AGT: variants seen among roughly 807,000 people sequenced by gnomAD.
AGT encodes the protein angiotensinogen, also known as alpha-1 antiproteinase, antitrypsin.
A neutral mutation model predicts 28.1 loss-of-function variants in AGT; 26 were observed. The observed-to-expected ratio is 0.92, with a 90% confidence interval of 0.68 to 1.28. The LOEUF is 1.28. AGT is among the 50% of genes most tolerant of loss of function. AGT has a pLI of 0.00. For synonymous variants in AGT, 259 were observed against 259.6 expected (o/e 1.00, Z 0.02); for missense variants, 596 against 592.3 (o/e 1.01, Z -0.06).
intron 1 of AGT, 67 bp from the exon 2 acceptor site, chr1:230,710,920 A>G: frequency 1.9e-6 from 3 of 1,555,288 alleles, no homozygotes; most frequent in Non-Finnish European, 8.8e-7. Context: ...ATCTAACCAG[A>G]TCTTTCATTG....
chr1:230,736,899 G>A (rs1056877853), intron 1 of AGT, among the ~76,000 whole-genome samples: 1 of 152,162 alleles, frequency 6.6e-6, no homozygotes, highest in East Asian at 1.9e-4. Context: ...GTTCTTGAGT[G>A]GAGGCTGGAA....
upstream of AGT, among the ~76,000 whole-genome samples, chr1:230,716,968 A>G (rs190599764): frequency 3.0e-3 from 449 of 151,650 alleles, 3 homozygotes; most frequent in South Asian, 0.022. Context: ...AAGACATAAG[A>G]GACTCCATTT....
In AGT at chr1:230,709,989, C is replaced by T. The variant is rs900170512; in HGVS notation, c.829+6G>A. ...GGGCCAGAGCCAGCAGAGAGGTTTG[C>T]CTTACCTTGGAAGTGGACGTAGGTG... is the stretch of plus-strand genomic sequence containing the variant. On this transcript the variant is annotated splice_donor_region_variant and intron_variant, in intron 2 of 4. Coordinates refer to ENST00000366667, the MANE Select transcript of AGT (RefSeq NM_001384479.1). 3 of 1,614,032 alleles carry T rather than the reference C, an allele frequency of 1.9e-6. No homozygotes were observed. In the African/African-American group the frequency reaches 4.0e-5, roughly 22 times the overall value.
chr1:230,741,859 A>C (rs1338955954), intron 1 of AGT, among the ~76,000 whole-genome samples: 2 of 152,194 alleles, frequency 1.3e-5, no homozygotes, highest in Admixed American at 1.3e-4. Flanking sequence ...CCAAAACATC[A>C]TTGTGGGCTT....
intron 1 of AGT, among the ~76,000 whole-genome samples, chr1:230,744,923 C>T (rs1040565335): frequency 1.3e-5 from 2 of 152,192 alleles, no homozygotes; most frequent in African/African-American, 4.8e-5. Flanking sequence ...AATCATTTCC[C>T]TGCCGAGGTG....
At chr1:230,715,435 G>A (rs894080637), upstream of AGT, among the ~76,000 whole-genome samples, 3 of 152,178 alleles carry the variant, frequency 2.0e-5, no homozygotes, top group Non-Finnish European at 4.4e-5. Flanking sequence ...ACTTTTTGAG[G>A]CCAGGAGATG....
At chr1:230,714,957 C>T (rs911311111), upstream of AGT, among the ~76,000 whole-genome samples, 2 of 152,090 alleles carry the variant, frequency 1.3e-5, no homozygotes, top group Admixed American at 6.6e-5. Flanking sequence ...TCACAAGTGA[C>T]GCAGTGGGTG....
At chr1:230,712,218 A>C (rs1199501203) in intron 1 of AGT, among the ~76,000 whole-genome samples, 1 of 152,074 alleles carries the variant, frequency 6.6e-6, no homozygotes, top group East Asian at 1.9e-4. Flanking sequence ...GGCCACCTTG[A>C]TGCCTAGATT....
chr1:230,710,405 C>G lies in AGT; in HGVS notation c.419G>C (p.Gly140Ala). The change falls in exon 2 of 5, where the codon GGA becomes GCA. Residue 140 changes from glycine to alanine, a missense_variant. Coordinates refer to ENST00000366667, the MANE Select transcript of AGT (RefSeq NM_001384479.1). The stretch of plus-strand genomic sequence containing the variant: ...CCTGTCAGCTGTGTGGTCCAAGGCT[C>G]CCAGATAGAGAGAGGCCAGGGTGCC... ...VFGTLASLYL[G>A]ALDHTADRLQ... 1.9e-6 allele frequency: 3 copies of G among 1,614,198 alleles called. No individual in the cohort carries two copies. The highest frequency in any genetic ancestry group is 4.5e-5 in the East Asian group (2 of 44,878).
At chr1:230,722,120 C>A (rs1398768229) in intron 1 of AGT, among the ~76,000 whole-genome samples, 1 of 152,250 alleles carries the variant, frequency 6.6e-6, no homozygotes, top group Non-Finnish European at 1.5e-5. Context: ...TACGTTCCAA[C>A]CCCTCCAGCT....
At chr1:230,724,509 A>T (rs1036514021) in intron 1 of AGT, among the ~76,000 whole-genome samples, 1 of 152,198 alleles carries the variant, frequency 6.6e-6, no homozygotes, top group Non-Finnish European at 1.5e-5. Context: ...TCACTTTTTC[A>T]CCAATCGAAA....
intron 1 of AGT, among the ~76,000 whole-genome samples, chr1:230,720,875 T>C (rs556241271): frequency 5.9e-5 from 9 of 152,180 alleles, no homozygotes; most frequent in Non-Finnish European, 8.8e-5. Flanking sequence ...AGCTGTTTCA[T>C]TGGTCAAAAA....
intron 1 of AGT, among the ~76,000 whole-genome samples, chr1:230,737,847 A>C (rs1452329801): frequency 6.6e-6 from 1 of 152,188 alleles, no homozygotes; most frequent in Admixed American, 6.5e-5. Context: ...AGATTTCATC[A>C]TCTCAAAAAG....
chr1:230,709,177 C>T (rs1377173832), intron 2 of AGT, among the ~76,000 whole-genome samples: 1 of 152,268 alleles, frequency 6.6e-6, no homozygotes, highest in African/African-American at 2.4e-5. Context: ...AGCCTGGAGG[C>T]AGGGCCTATA....
At chr1:230,728,728 G>C (rs1273510226) in intron 1 of AGT, among the ~76,000 whole-genome samples, 1 of 152,110 alleles carries the variant, frequency 6.6e-6, no homozygotes. Context: ...CAGAGAAGGG[G>C]AGAAAAGGTT....
intron 1 of AGT, among the ~76,000 whole-genome samples, chr1:230,735,622 C>A (rs957956017): frequency 1.3e-5 from 2 of 152,086 alleles, no homozygotes; most frequent in African/African-American, 4.8e-5. Context: ...GCACTTGTCA[C>A]CCTGCTCCAC....
chr1:230,708,461 C>A (rs1420697737), intron 2 of AGT, among the ~76,000 whole-genome samples: 1 of 152,168 alleles, frequency 6.6e-6, no homozygotes, highest in East Asian at 1.9e-4. Flanking sequence ...GGGCAACCCT[C>A]GGGCTGGCCT....
rs757605688 is a variant in AGT at position 230,703,189 on chromosome 1, A to G, written c.1383T>C (p.Thr461=). ...CCACGCGGCCCAGGAAGTGCAGGGC[A>G]GTGGCGCTTTGATCATACACAGCAA... ...FLFAVYDQSA[T]ALHFLGRVAN... Residue 461 remains threonine (T), a synonymous_variant, in exon 5 of 5, where the codon ACT becomes ACC. Transcript: ENST00000366667. 3.1e-6 allele frequency: 5 copies of G among 1,614,096 alleles called. No individual in the cohort carries two copies. The highest frequency in any genetic ancestry group is 4.2e-6 in the Non-Finnish European group (5 of 1,180,062).
At chr1:230,734,438 G>A (rs1664119955) in intron 1 of AGT, among the ~76,000 whole-genome samples, 1 of 152,096 alleles carries the variant, frequency 6.6e-6, no homozygotes, top group African/African-American at 2.4e-5. Flanking sequence ...TTCAGTTGGG[G>A]AAGATAAAAA....
Sources: gnomAD v4.1 joint callset for allele counts (sites outside exome capture counted in the v4.1 genomes callset) on GRCh38, gnomAD v4.1.1 for gene constraint, MANE v1.5 for transcripts, NCBI Gene and HGNC (gene_info 2026-07-23, HGNC 2026-07-21) for gene names.